The following LRRTM4 variants were observed in gnomAD, a reference collection of about 807,000 sequenced individuals.
The protein encoded by LRRTM4 is leucine-rich repeat transmembrane neuronal protein 4.
Under a neutral mutation model 47.6 loss-of-function variants are expected in LRRTM4, and 25 were observed. That is an observed-to-expected ratio of 0.53 (90% CI 0.38 to 0.73). The LOEUF is 0.73. Among genes scored for constraint, LRRTM4 ranks in the 30% least tolerant of loss-of-function variants. LRRTM4 has a pLI of 0.00. For missense variants in LRRTM4, 638 were observed against 713.4 expected (o/e 0.89, Z 1.20); for synonymous variants, 311 against 269.5 (o/e 1.15, Z -1.51).
chr2:76,997,496 A>C (rs956672325), intron 3 of LRRTM4, among the ~76,000 whole-genome samples: 7 of 152,152 alleles, frequency 4.6e-5, no homozygotes, highest in African/African-American at 1.7e-4. Context: ...ATGGTGTGAC[A>C]AAATTGAGTT....
chr2:77,290,639 T>A (rs1413268618), intron 3 of LRRTM4, among the ~76,000 whole-genome samples: 1 of 152,016 alleles, frequency 6.6e-6, no homozygotes, highest in Non-Finnish European at 1.5e-5. Flanking sequence ...TGTGCTTGTA[T>A]CAAAATATCA....
chr2:76,841,682 T>C (rs1671688208), intron 3 of LRRTM4, among the ~76,000 whole-genome samples: 3 of 148,554 alleles, frequency 2.0e-5, no homozygotes, highest in Non-Finnish European at 4.5e-5. Context: ...AAAAAAACTT[T>C]ACTGTGTATA....
chr2:76,765,822 C>T (rs994347452), intron 3 of LRRTM4, among the ~76,000 whole-genome samples: 1 of 152,160 alleles, frequency 6.6e-6, no homozygotes. Context: ...TCACCATGGC[C>T]TGGTAAGGCT....
chr2:77,201,971 T>A (rs193049926), intron 3 of LRRTM4, among the ~76,000 whole-genome samples: 1 of 152,252 alleles, frequency 6.6e-6, no homozygotes, highest in Non-Finnish European at 1.5e-5. Context: ...GATGAGCTCA[T>A]GTACAAGCTG....
At chr2:77,328,330 C>T (rs1423692910) in intron 3 of LRRTM4, among the ~76,000 whole-genome samples, 1 of 152,158 alleles carries the variant, frequency 6.6e-6, no homozygotes, top group African/African-American at 2.4e-5. Flanking sequence ...TCATAGCAAC[C>T]TTGCCAGCTT....
intron 3 of LRRTM4, among the ~76,000 whole-genome samples, chr2:77,418,484 G>A (rs1416900016): frequency 1.3e-5 from 2 of 152,202 alleles, no homozygotes; most frequent in Non-Finnish European, 2.9e-5. Flanking sequence ...CACAGAGACT[G>A]AAGTAAGGCT....
chr2:77,071,660 A>G (rs983793595), intron 3 of LRRTM4, among the ~76,000 whole-genome samples: 3 of 152,224 alleles, frequency 2.0e-5, no homozygotes, highest in African/African-American at 4.8e-5. Flanking sequence ...AGTTCTAATC[A>G]CATAAAAATT....
chr2:76,866,343 G>A (rs1672468095), intron 3 of LRRTM4, among the ~76,000 whole-genome samples: 1 of 152,180 alleles, frequency 6.6e-6, no homozygotes, highest in South Asian at 2.1e-4. Flanking sequence ...TTATGATGCA[G>A]TGATCTCATC....
chr2:77,003,439 T>G (rs944768288), intron 3 of LRRTM4, among the ~76,000 whole-genome samples: 1 of 152,140 alleles, frequency 6.6e-6, no homozygotes, highest in Non-Finnish European at 1.5e-5. Flanking sequence ...AACTGAATCA[T>G]GCAGATGGGT....
intron 3 of LRRTM4, among the ~76,000 whole-genome samples, chr2:76,791,359 G>T (rs981191604): frequency 6.6e-6 from 1 of 151,938 alleles, no homozygotes; most frequent in Admixed American, 6.6e-5. Flanking sequence ...TAGATTTGTA[G>T]ATTTGAAACT....
intron 3 of LRRTM4, among the ~76,000 whole-genome samples, chr2:77,493,708 A>G (rs1021140104): frequency 9.2e-5 from 14 of 152,128 alleles, no homozygotes; most frequent in Non-Finnish European, 1.8e-4. Flanking sequence ...TGCAGGACCC[A>G]AAGAATTGTA....
chr2:76,908,337 A>G (rs536007922), intron 3 of LRRTM4, among the ~76,000 whole-genome samples: 56 of 152,002 alleles, frequency 3.7e-4, no homozygotes, highest in Admixed American at 1.1e-3. Context: ...TTGATGGGCC[A>G]TATCTCAAAA....
At chr2:77,047,721 C>T (rs1000194830) in intron 3 of LRRTM4, among the ~76,000 whole-genome samples, 4 of 151,984 alleles carry the variant, frequency 2.6e-5, no homozygotes, top group African/African-American at 9.7e-5. Context: ...ACTCCATTTC[C>T]AAATCAATTC....
At chr2:77,234,034 C>T (rs182039734) in intron 3 of LRRTM4, among the ~76,000 whole-genome samples, 182 of 152,180 alleles carry the variant, frequency 1.2e-3, no homozygotes, top group African/African-American at 1.5e-3. Context: ...CCACCCGCCT[C>T]GGCCTCCCAA....
At chr2:77,054,290 G>T (rs1238933075) in intron 3 of LRRTM4, among the ~76,000 whole-genome samples, 1 of 152,074 alleles carries the variant, frequency 6.6e-6, no homozygotes, top group Non-Finnish European at 1.5e-5. Context: ...AAAATAAATT[G>T]GTTGAAAATT....
chr2:77,316,521 C>T (rs1677622545), intron 3 of LRRTM4, among the ~76,000 whole-genome samples: 1 of 151,454 alleles, frequency 6.6e-6, no homozygotes, highest in South Asian at 2.1e-4. Flanking sequence ...TATACCAGGG[C>T]TGAAAATATA....
intron 3 of LRRTM4, among the ~76,000 whole-genome samples, chr2:76,780,336 G>T (rs889443736): frequency 5.3e-5 from 8 of 152,142 alleles, no homozygotes; most frequent in African/African-American, 1.9e-4. Context: ...AGTTCTCCTG[G>T]ATAATCTCCT....
rs75393894 is a variant in LRRTM4, at chr2:77,389,792, T to C, written c.1551+128526A>G. On this transcript the variant is annotated intron_variant, in intron 3 of 3. Transcript: ENST00000409884. ...TAGCCAACCTCCCTTTCTCCCTTCG[T>C]CCTCTTTTTTCCTCCTTCCTTCCCT... Among the ~76,000 whole-genome samples, 72 of 152,154 alleles carry C rather than the reference T, an allele frequency of 4.7e-4. 2 individuals are homozygous for C. In the East Asian group the frequency reaches 0.013, roughly 28 times the overall value.
chr2:77,070,982 T>A (rs1312438528), intron 3 of LRRTM4, among the ~76,000 whole-genome samples: 1 of 152,178 alleles, frequency 6.6e-6, no homozygotes, highest in African/African-American at 2.4e-5. Flanking sequence ...ATATTGACAT[T>A]TGAATCCCAA....
Sources: gnomAD v4.1 joint callset for allele counts (sites outside exome capture counted in the v4.1 genomes callset) on GRCh38, gnomAD v4.1.1 for gene constraint, MANE v1.5 for transcripts, NCBI Gene and HGNC (gene_info 2026-07-23, HGNC 2026-07-21) for gene names.